DCC: variants seen among roughly 807,000 people sequenced by gnomAD.
The protein encoded by DCC is netrin receptor DCC.
Under a neutral mutation model 172.5 loss-of-function variants are expected in DCC, and 58 were observed. The observed-to-expected ratio is 0.34, with a 90% CI of 0.27 to 0.42. The LOEUF (loss-of-function observed/expected upper bound fraction) is 0.42, where lower values mean the gene tolerates loss of function less well. DCC is among the 10% of genes least tolerant of loss of function. The pLI, the probability that DCC is intolerant of heterozygous loss-of-function variation, is 1.00. For synonymous variants in DCC, 709 were observed against 644.5 expected, an observed-to-expected ratio of 1.10 and a Z score of -1.52; for missense variants, 1,740 against 1,791.0, an observed-to-expected ratio of 0.97 and a Z score of 0.51.
At chr18:53,234,215 ACTCCAGCC>A (rs1049759650) in intron 12 of DCC, among the ~76,000 whole-genome samples, 19 of 151,842 alleles carry the variant, frequency 1.3e-4, no homozygotes, top group Admixed American at 1.2e-3. Context: ...GCACCATCGC[ACTCCAGCC>A]TAGGCAACAA....
At position 52,668,904 on chromosome 18, in the gene DCC, C is replaced by T. The variant is rs181396075; in HGVS notation, c.92-83150C>T. ...ATGCCTTGTGGTCATGGTGTAACCACCCAGTGGGTTCACCCTGTCCGCTGC... is the reference window on the plus strand; with the variant it reads ...ATGCCTTGTGGTCATGGTGTAACCATCCAGTGGGTTCACCCTGTCCGCTGC... On this transcript the variant is annotated intron_variant, in intron 1 of 28. Transcript: ENST00000442544. Among the ~76,000 whole-genome samples the T allele has an allele frequency of 3.0e-4, 46 of 152,340 alleles. 1 individual carries two copies. The East Asian group carries it at 7.9e-3, about 26-fold the overall frequency.
chr18:53,015,876 T>C (rs2041801563), intron 5 of DCC, among the ~76,000 whole-genome samples: 1 of 152,084 alleles, frequency 6.6e-6, no homozygotes, highest in Admixed American at 6.5e-5. Context: ...CATTAATATA[T>C]TTTTCAAAAG....
At chr18:52,745,742 CCTGT>C (rs934850713) in intron 1 of DCC, among the ~76,000 whole-genome samples, 6 of 152,174 alleles carry the variant, frequency 3.9e-5, no homozygotes, top group African/African-American at 7.2e-5. Context: ...ACTTACTCCT[CCTGT>C]CTAAGGGGTG....
At chr18:52,921,699 AAATAAAAATAAT>A (rs1428122607) in intron 3 of DCC, among the ~76,000 whole-genome samples, 1 of 123,428 alleles carries the variant, frequency 8.1e-6, no homozygotes, top group African/African-American at 2.8e-5. Flanking sequence ...TCCATCTCAA[AAATAAAAATAAT>A]AATAATAATA....
At chr18:52,546,403 G>T in intron 1 of DCC, among the ~76,000 whole-genome samples, 1 of 152,190 alleles carries the variant, frequency 6.6e-6, no homozygotes, top group East Asian at 1.9e-4. Flanking sequence ...TAACATATAT[G>T]TAGGGAGCAG....
At chr18:53,396,485 C>T (rs1205379964) in intron 17 of DCC, among the ~76,000 whole-genome samples, 1 of 152,050 alleles carries the variant, frequency 6.6e-6, no homozygotes, top group Non-Finnish European at 1.5e-5. Context: ...TCAATAATAC[C>T]AACACCACTT....
chr18:52,604,344 A>T (rs558817541), intron 1 of DCC, among the ~76,000 whole-genome samples: 4 of 152,124 alleles, frequency 2.6e-5, no homozygotes, highest in African/African-American at 9.7e-5. Context: ...GCTTCTATGT[A>T]TATCAGTTAT....
At chr18:52,791,999 G>A (rs1195807513) in intron 2 of DCC, among the ~76,000 whole-genome samples, 4 of 152,210 alleles carry the variant, frequency 2.6e-5, no homozygotes, top group Admixed American at 6.5e-5. Flanking sequence ...TTTCCCATTT[G>A]CAGAAGCAAC....
chr18:53,075,233 G>A (rs533295070), intron 7 of DCC, among the ~76,000 whole-genome samples: 1 of 152,238 alleles, frequency 6.6e-6, no homozygotes, highest in East Asian at 1.9e-4. Flanking sequence ...TTTGCAGCAC[G>A]GTTTGCAGTA....
rs79532360 is a variant in DCC, at chr18:52,432,666, G to T, written c.91+91788G>T. Reference sequence around the variant, plus strand: ...CTTTAATTCAAGGAGAATTGGCTGCGGATAAATACAAGTCAAACTTGAAAG... The same window carrying T: ...CTTTAATTCAAGGAGAATTGGCTGCTGATAAATACAAGTCAAACTTGAAAG... On this transcript the variant is annotated intron_variant, in intron 1 of 28. Transcript: ENST00000442544. Among the ~76,000 whole-genome samples the T allele has an allele frequency of 1.7e-3, 266 of 152,142 alleles. 6 individuals are homozygous for T. In the East Asian group the frequency reaches 0.042, roughly 24 times the overall value.
rs2041494978 is a variant in DCC, at chr18:52,997,135, C to T, written c.986-66170C>T. Reference sequence around the variant, plus strand: ...TGAACAAAACAAATATACAATGTATCCACTGAGTTAAACAGGGAAGGTACA... The same window carrying T: ...TGAACAAAACAAATATACAATGTATTCACTGAGTTAAACAGGGAAGGTACA... On this transcript the variant is annotated intron_variant, in intron 5 of 28. Transcript: ENST00000442544. 2.0e-5 allele frequency among the ~76,000 whole-genome samples: 3 copies of T among 151,996 alleles called. No individual in the cohort carries two copies. In the South Asian group the frequency reaches 6.2e-4, roughly 31 times the overall value.
chr18:53,149,157 CG>C (rs1401042695), intron 7 of DCC, among the ~76,000 whole-genome samples: 1 of 151,922 alleles, frequency 6.6e-6, no homozygotes, highest in Non-Finnish European at 1.5e-5. Context: ...CACCACGCCC[CG>C]CCTCCCAAAG....
chr18:52,944,887 C>T (rs1433670754), intron 5 of DCC, among the ~76,000 whole-genome samples: 2 of 152,024 alleles, frequency 1.3e-5, no homozygotes, highest in Non-Finnish European at 2.9e-5. Context: ...AAAGAGTATC[C>T]AAAGTTTTAG....
chr18:53,385,536 A>G (rs1268063667), intron 15 of DCC, among the ~76,000 whole-genome samples: 1 of 152,112 alleles, frequency 6.6e-6, no homozygotes, highest in African/African-American at 2.4e-5. Context: ...GGTTGTCCCC[A>G]GTTTGGGCCC....
chr18:53,082,588 C>T (rs920378538), intron 7 of DCC, among the ~76,000 whole-genome samples: 1 of 151,928 alleles, frequency 6.6e-6, no homozygotes, highest in Admixed American at 6.6e-5. Flanking sequence ...TTAGTAAGTA[C>T]CATGCTAAAT....
At chr18:52,565,925 T>G (rs1405848214) in intron 1 of DCC, among the ~76,000 whole-genome samples, 1 of 152,192 alleles carries the variant, frequency 6.6e-6, no homozygotes, top group Non-Finnish European at 1.5e-5. Flanking sequence ...GCCTATGTCC[T>G]CAATGGTATT....
chr18:52,759,989 TTGAG>T (rs1374254720), intron 2 of DCC, among the ~76,000 whole-genome samples: 4 of 152,190 alleles, frequency 2.6e-5, no homozygotes, highest in African/African-American at 9.6e-5. Context: ...CTGGGGGAAC[TTGAG>T]TAAGGTCTGA....
intron 12 of DCC, among the ~76,000 whole-genome samples, chr18:53,254,633 C>G (rs1017728089): frequency 6.6e-6 from 1 of 151,996 alleles, no homozygotes; most frequent in East Asian, 1.9e-4. Context: ...CCATCACACC[C>G]AGTTCTATTC....
intron 1 of DCC, among the ~76,000 whole-genome samples, chr18:52,633,979 A>G (rs918703886): frequency 6.6e-5 from 10 of 152,374 alleles, no homozygotes; most frequent in East Asian, 1.9e-4. Flanking sequence ...AACCCTGCTC[A>G]TGGCAGGTGG....
Sources: allele counts gnomAD v4.1 joint callset (sites outside exome capture counted in the v4.1 genomes callset), GRCh38; gene constraint gnomAD v4.1.1; transcripts MANE v1.5; gene names NCBI Gene and HGNC (gene_info 2026-07-23, HGNC 2026-07-21).